ARID4B: variants seen among roughly 807,000 people sequenced by gnomAD.
The protein encoded by ARID4B is AT-rich interactive domain-containing protein 4B.
In ARID4B, 26 loss-of-function variants were observed where a neutral mutation model predicts 147.5. The ratio of observed to expected loss-of-function variants is 0.18; its 90% CI spans 0.13 to 0.24. The LOEUF (loss-of-function observed/expected upper bound fraction) is 0.24. Ranked by LOEUF, ARID4B falls within the 10% of genes least tolerant of loss-of-function variation. The probability of loss-of-function intolerance (pLI) is 1.00; values close to 1 mark genes in which losing one functional copy is unlikely to be tolerated. For synonymous variants in ARID4B, 512 were observed against 507.9 expected (o/e 1.01, Z -0.11); for missense variants, 1,179 against 1,511.5 (o/e 0.78, Z 3.65).
intron 11 of ARID4B, among the ~76,000 whole-genome samples, chr1:235,226,145 T>A (rs755319245): frequency 6.6e-6 from 1 of 152,214 alleles, no homozygotes; most frequent in African/African-American, 2.4e-5. Context: ...ACAGATTTGC[T>A]TTTACAAAAA....
chr1:235,201,654 T>C (rs1194264408), intron 17 of ARID4B, among the ~76,000 whole-genome samples: 1 of 152,068 alleles, frequency 6.6e-6, no homozygotes. Flanking sequence ...GTAAGTTAAA[T>C]ACAAACCTTT....
chr1:235,309,295 G>A (rs1163006849), intron 2 of ARID4B, among the ~76,000 whole-genome samples: 2 of 143,680 alleles, frequency 1.4e-5, no homozygotes, highest in Non-Finnish European at 3.1e-5. Context: ...CCCCATCTGA[G>A]AAGTGAGGAG....
At chr1:235,281,454 G>A (rs1421831727) in intron 2 of ARID4B, among the ~76,000 whole-genome samples, 1 of 146,070 alleles carries the variant, frequency 6.8e-6, no homozygotes, top group Non-Finnish European at 1.5e-5. Flanking sequence ...GGGAGGCTGA[G>A]GCACAAGAAT....
chr1:235,312,143 G>A (rs1346026535), intron 2 of ARID4B, among the ~76,000 whole-genome samples: 1 of 152,000 alleles, frequency 6.6e-6, no homozygotes. Context: ...AAAATTAGCT[G>A]GGCGTGGTGG....
chr1:235,295,393 C>A (rs1281272326), intron 2 of ARID4B, among the ~76,000 whole-genome samples: 3 of 151,900 alleles, frequency 2.0e-5, no homozygotes, highest in Admixed American at 1.3e-4. Context: ...GCCTGTAATC[C>A]CAGCTACTTG....
intron 17 of ARID4B, among the ~76,000 whole-genome samples, chr1:235,208,131 G>C (rs1190607551): frequency 6.6e-6 from 1 of 152,160 alleles, no homozygotes; most frequent in Non-Finnish European, 1.5e-5. Flanking sequence ...AATCAGTATT[G>C]ATACACTATT....
At chr1:235,293,245 G>T (rs887240643) in intron 2 of ARID4B, among the ~76,000 whole-genome samples, 1 of 152,004 alleles carries the variant, frequency 6.6e-6, no homozygotes, top group Non-Finnish European at 1.5e-5. Context: ...TGCTACTAGA[G>T]GATTTCCACT....
chr1:235,222,850 T>C (rs749579281), intron 13 of ARID4B, among the ~76,000 whole-genome samples: 1 of 151,854 alleles, frequency 6.6e-6, no homozygotes, highest in Non-Finnish European at 1.5e-5. Flanking sequence ...GTCTGGCTGA[T>C]TTTTGTATTC....
At chr1:235,197,915 T>C (rs1211948658) in intron 17 of ARID4B, among the ~76,000 whole-genome samples, 2 of 152,180 alleles carry the variant, frequency 1.3e-5, no homozygotes, top group Admixed American at 6.5e-5. Context: ...ATATCGAAAA[T>C]TGTATAATGC....
At chr1:235,302,935 C>CTTTT (rs71172294) in intron 2 of ARID4B, among the ~76,000 whole-genome samples, 5 of 149,944 alleles carry the variant, frequency 3.3e-5, no homozygotes, top group Non-Finnish European at 1.5e-5. Flanking sequence ...TTCTTTTTTT[C>CTTTT]TTTTTTTTGA....
chr1:235,246,618 C>A, intron 6 of ARID4B, 107 bp from the exon 7 acceptor site: 1 of 744,580 alleles, frequency 1.3e-6, no homozygotes, highest in Non-Finnish European at 2.3e-6. Context: ...AGATTAAACT[C>A]TCCCCCCAGG....
intron 18 of ARID4B, among the ~76,000 whole-genome samples, chr1:235,195,173 A>G (rs1665407848): frequency 6.6e-6 from 1 of 152,208 alleles, no homozygotes; most frequent in Non-Finnish European, 1.5e-5. Context: ...CCAGATGCAT[A>G]GAAGATGCTA....
At chr1:235,175,084 T>C (rs2102904578) in intron 22 of ARID4B, 100 bp downstream of exon 22, 1 of 1,063,096 alleles carries the variant, frequency 9.4e-7, no homozygotes, top group Non-Finnish European at 1.4e-6. Flanking sequence ...TCCAGCCTGG[T>C]GACAGAGCGA....
intron 2 of ARID4B, among the ~76,000 whole-genome samples, chr1:235,261,132 T>TG (rs1474066732): frequency 1.3e-5 from 2 of 151,634 alleles, no homozygotes; most frequent in South Asian, 2.1e-4. Flanking sequence ...AATTCTGGGG[T>TG]GGGGGGGAAA....
intron 19 of ARID4B, among the ~76,000 whole-genome samples, chr1:235,193,659 T>A (rs1665280723): frequency 6.6e-6 from 1 of 152,242 alleles, no homozygotes; most frequent in Admixed American, 6.5e-5. Context: ...TGGCTGATTT[T>A]ATTTCAAGTA....
At chr1:235,296,033 T>C (rs913316490) in intron 2 of ARID4B, 3 of 157,994 alleles carry the variant, frequency 1.9e-5, no homozygotes, top group African/African-American at 7.2e-5. Context: ...ACTGCTGCTG[T>C]TCTGGAGGCA....
intron 2 of ARID4B, among the ~76,000 whole-genome samples, chr1:235,313,095 G>A (rs1462809447): frequency 6.6e-6 from 1 of 152,216 alleles, no homozygotes; most frequent in African/African-American, 2.4e-5. Flanking sequence ...CTAGGCTGGA[G>A]TGCAGTGGTG....
intron 2 of ARID4B, among the ~76,000 whole-genome samples, chr1:235,312,976 AAAAAGAAAAG>A (rs71172300): frequency 1.8e-4 from 28 of 151,470 alleles, no homozygotes; most frequent in South Asian, 1.0e-3. Flanking sequence ...CTGCTTCAAG[AAAAAGAAAAG>A]AAAAGAAAAG....
rs538576866 is a variant in ARID4B at position 235,303,529 on chromosome 1, GC to G, written c.6+23384del. Among the ~76,000 whole-genome samples the G allele has an allele frequency of 6.2e-4, 94 of 152,242 alleles. 2 individuals are homozygous for G. Among genetic ancestry groups the G allele is most frequent in the Admixed American group, 3.5e-3 (53 of 15,270 alleles). ...ATTTGAGGCCAGAAGTTCGAGACCA[GC>G]CTTGGCAACATAGTGAGATCCCATC... On this transcript the variant is annotated intron_variant, in intron 2 of 23. Transcript: ENST00000264183.
Sources: gnomAD v4.1 joint callset for allele counts (sites outside exome capture counted in the v4.1 genomes callset) on GRCh38, gnomAD v4.1.1 for gene constraint, MANE v1.5 for transcripts, NCBI Gene and HGNC (gene_info 2026-07-23, HGNC 2026-07-21) for gene names.